GRID2: variants seen among roughly 807,000 people sequenced by gnomAD.
GRID2 encodes glutamate receptor ionotropic, delta-2.
A neutral mutation model predicts 114.8 loss-of-function variants in GRID2; 33 were observed. That is an observed-to-expected ratio of 0.29 (90% CI 0.22 to 0.38). GRID2 has a LOEUF of 0.38. Among genes scored for constraint, GRID2 ranks in the 10% least tolerant of loss-of-function variants. The pLI is 1.00. For missense variants in GRID2, 1,184 were observed against 1,257.7 expected (o/e 0.94, Z 0.89); for synonymous variants, 505 against 449.9 (o/e 1.12, Z -1.55).
At chr4:93,797,538 G>C (rs913818178) in intron 1 of GRID2, among the ~76,000 whole-genome samples, 2 of 152,110 alleles carry the variant, frequency 1.3e-5, no homozygotes, top group African/African-American at 4.8e-5. Flanking sequence ...GGTGGCTGGT[G>C]TCAGAACCAC....
intron 4 of GRID2, among the ~76,000 whole-genome samples, chr4:93,167,456 A>T (rs866164055): frequency 1.3e-5 from 2 of 152,252 alleles, no homozygotes; most frequent in Admixed American, 6.5e-5. Context: ...TATCGTTTTT[A>T]AAAGTCTATA....
At chr4:93,414,356 T>C (rs1767495321) in intron 9 of GRID2, among the ~76,000 whole-genome samples, 1 of 152,112 alleles carries the variant, frequency 6.6e-6, no homozygotes. Context: ...CCCATCTGGC[T>C]TCCTATCTTA....
intron 2 of GRID2, among the ~76,000 whole-genome samples, chr4:92,780,796 A>C (rs1470920627): frequency 6.6e-6 from 1 of 151,504 alleles, no homozygotes; most frequent in Non-Finnish European, 1.5e-5. Context: ...TAAAAAGCTA[A>C]AGGGATTAAA....
chr4:92,460,971 C>T (rs534336275), intron 1 of GRID2, among the ~76,000 whole-genome samples: 42 of 151,806 alleles, frequency 2.8e-4, no homozygotes, highest in Non-Finnish European at 5.0e-4. Context: ...TAACGCTAAC[C>T]TATTTTCCTC....
intron 2 of GRID2, among the ~76,000 whole-genome samples, chr4:92,994,498 A>G (rs1358187774): frequency 6.6e-6 from 1 of 151,512 alleles, no homozygotes; most frequent in African/African-American, 2.4e-5. Flanking sequence ...ATTTTTTTGT[A>G]TTTTTAGTAG....
At chr4:93,198,830 C>CTT (rs1741777846) in intron 4 of GRID2, among the ~76,000 whole-genome samples, 1 of 152,064 alleles carries the variant, frequency 6.6e-6, no homozygotes, top group South Asian at 2.1e-4. Context: ...ACTTGAAAAA[C>CTT]TTTATTTTTT....
chr4:92,567,477 CAT>C lies in GRID2; in HGVS notation c.89-22651_89-22650del, dbSNP rs1488812281. On this transcript the variant is annotated intron_variant, in intron 1 of 15. Transcript: ENST00000282020. ...ACTGTGATGATTTCTGCTGGTTCGTCATATCTTAATTCAAGAAGGATACTTGG... is the reference window on the plus strand; with the variant it reads ...ACTGTGATGATTTCTGCTGGTTCGTCATCTTAATTCAAGAAGGATACTTGG... Among the ~76,000 whole-genome samples the C allele has an allele frequency of 2.0e-5, 3 of 152,082 alleles. No individual in the cohort carries two copies. In the East Asian group the frequency reaches 5.8e-4, roughly 29 times the overall value.
At chr4:92,505,208 C>T (rs1723897905) in intron 1 of GRID2, among the ~76,000 whole-genome samples, 1 of 152,064 alleles carries the variant, frequency 6.6e-6, no homozygotes, top group Non-Finnish European at 1.5e-5. Flanking sequence ...GAATAGGACT[C>T]TTGGAGCAAT....
intron 2 of GRID2, among the ~76,000 whole-genome samples, chr4:92,730,448 T>G (rs1736278671): frequency 1.3e-5 from 2 of 151,970 alleles, no homozygotes; most frequent in African/African-American, 4.8e-5. Context: ...CCACTTAGAT[T>G]AGGCACACAA....
intron 13 of GRID2, among the ~76,000 whole-genome samples, chr4:93,571,175 T>C (rs920774692): frequency 6.6e-6 from 1 of 152,156 alleles, no homozygotes; most frequent in East Asian, 1.9e-4. Context: ...AGAAATCAAA[T>C]AGAGAAGGAA....
intron 8 of GRID2, among the ~76,000 whole-genome samples, chr4:93,374,337 G>A (rs1038706210): frequency 1.3e-5 from 2 of 152,036 alleles, no homozygotes; most frequent in African/African-American, 2.4e-5. Context: ...CAATAGCAGG[G>A]GTGTTTACAG....
chr4:93,567,016 T>A (rs1735492344), intron 13 of GRID2, among the ~76,000 whole-genome samples: 1 of 152,162 alleles, frequency 6.6e-6, no homozygotes, highest in Non-Finnish European at 1.5e-5. Context: ...GCAGCAGCTC[T>A]GGGAGCTATT....
At chr4:92,957,965 T>TA (rs1317058133) in intron 2 of GRID2, among the ~76,000 whole-genome samples, 1 of 152,058 alleles carries the variant, frequency 6.6e-6, no homozygotes, top group Non-Finnish European at 1.5e-5. Context: ...ATTCATGGCA[T>TA]ATAGGAAAGT....
chr4:93,202,675 A>T (rs983027810), intron 4 of GRID2, among the ~76,000 whole-genome samples: 9 of 152,148 alleles, frequency 5.9e-5, no homozygotes, highest in African/African-American at 2.2e-4. Flanking sequence ...AACATTATTT[A>T]AAACTATAAA....
intron 8 of GRID2, chr4:93,282,370 A>G: frequency 2.2e-6 from 1 of 448,104 alleles, no homozygotes; most frequent in Non-Finnish European, 4.5e-6. Flanking sequence ...AACTTTATTT[A>G]TTGTAGTTCT....
At chr4:93,253,821 T>A (rs1281101231) in intron 8 of GRID2, among the ~76,000 whole-genome samples, 1 of 152,142 alleles carries the variant, frequency 6.6e-6, no homozygotes, top group African/African-American at 2.4e-5. Flanking sequence ...ATTTTTAAGA[T>A]GCATAGTATT....
intron 2 of GRID2, among the ~76,000 whole-genome samples, chr4:92,907,859 A>G (rs997679154): frequency 2.0e-5 from 3 of 152,060 alleles, no homozygotes; most frequent in Non-Finnish European, 4.4e-5. Flanking sequence ...CCCTGTCTCT[A>G]CAAAAACACA....
chr4:92,357,694 G>A lies in GRID2; in HGVS notation c.88+52950G>A, dbSNP rs1560584734. Among the ~76,000 whole-genome samples the A allele has an allele frequency of 3.3e-5, 5 of 151,722 alleles. No individual in the cohort carries two copies. The East Asian group carries it at 9.7e-4, about 30-fold the overall frequency. On this transcript the variant is annotated intron_variant, in intron 1 of 15. Coordinates refer to ENST00000282020, the MANE Select transcript of GRID2 (RefSeq NM_001510.4). ...TCTATAATAAAAAGATTAATTAAAG[G>A]CTTATTTATAATATAAATACATTGA...
chr4:92,588,117 A>C (rs1728537032), intron 1 of GRID2, among the ~76,000 whole-genome samples: 1 of 152,094 alleles, frequency 6.6e-6, no homozygotes, highest in Admixed American at 6.5e-5. Flanking sequence ...ATTAAATTTC[A>C]ATGTAATGAT....
Sources: allele counts gnomAD v4.1 joint callset (sites outside exome capture counted in the v4.1 genomes callset), GRCh38; gene constraint gnomAD v4.1.1; transcripts MANE v1.5; gene names NCBI Gene and HGNC (gene_info 2026-07-23, HGNC 2026-07-21).